CADM2: variants seen among roughly 807,000 people sequenced by gnomAD.
CADM2 encodes the protein immunoglobulin superfamily member 4D.
CADM2 carries 12 observed loss-of-function variants against 49.8 expected under a neutral mutation model. The observed-to-expected ratio is 0.24, with a 90% confidence interval of 0.15 to 0.39. The LOEUF is 0.39. CADM2 is among the 10% of genes least tolerant of loss of function. The probability of loss-of-function intolerance (pLI) is 1.00; values close to 1 mark genes in which losing one functional copy is unlikely to be tolerated. For missense variants in CADM2, 378 were observed against 492.3 expected, an observed-to-expected ratio of 0.77 and a Z score of 2.20; for synonymous variants, 214 against 175.4, an observed-to-expected ratio of 1.22 and a Z score of -1.74.
At chr3:85,918,573 T>A (rs1718690471) in intron 6 of CADM2, among the ~76,000 whole-genome samples, 1 of 152,144 alleles carries the variant, frequency 6.6e-6, no homozygotes, top group Non-Finnish European at 1.5e-5. Flanking sequence ...TTATTGAGGA[T>A]TTTTGCATCA....
At chr3:85,440,019 T>A (rs906159087) in intron 1 of CADM2, among the ~76,000 whole-genome samples, 3 of 152,236 alleles carry the variant, frequency 2.0e-5, no homozygotes, top group Non-Finnish European at 4.4e-5. Context: ...ATTGCATACA[T>A]GCAATATATT....
At chr3:85,676,985 TAC>T (rs2065903327) in intron 1 of CADM2, among the ~76,000 whole-genome samples, 1 of 152,166 alleles carries the variant, frequency 6.6e-6, no homozygotes. Flanking sequence ...TTATAGAACT[TAC>T]AGGTGTTATC....
intron 1 of CADM2, among the ~76,000 whole-genome samples, chr3:85,681,050 G>A (rs1660796446): frequency 6.6e-6 from 1 of 152,108 alleles, no homozygotes; most frequent in African/African-American, 2.4e-5. Flanking sequence ...TCTTGTTTGT[G>A]TTAACAGGGC....
intron 1 of CADM2, among the ~76,000 whole-genome samples, chr3:85,487,547 G>T (rs146148208): frequency 6.0e-5 from 9 of 149,364 alleles, no homozygotes; most frequent in Non-Finnish European, 1.3e-4. Context: ...GGAGGAGGAC[G>T]AGGAGGAGGA....
intron 1 of CADM2, among the ~76,000 whole-genome samples, chr3:85,344,151 A>G (rs1007359599): frequency 7.2e-5 from 11 of 151,964 alleles, no homozygotes; most frequent in Admixed American, 2.6e-4. Context: ...CGAGGCGGGC[A>G]GATCACGAAG....
intron 1 of CADM2, among the ~76,000 whole-genome samples, chr3:85,537,467 C>A (rs1311223419): frequency 7.0e-6 from 1 of 142,754 alleles, no homozygotes; most frequent in Non-Finnish European, 1.5e-5. Context: ...GCTGATTGGT[C>A]AAGTACAAGT....
chr3:85,324,476 C>T (rs2044696546), intron 1 of CADM2, among the ~76,000 whole-genome samples: 1 of 151,992 alleles, frequency 6.6e-6, no homozygotes, highest in South Asian at 2.1e-4. Flanking sequence ...AAGTACATCA[C>T]CAAAATAGTA....
chr3:85,714,885 C>T (rs557067761), intron 1 of CADM2, among the ~76,000 whole-genome samples: 1 of 152,000 alleles, frequency 6.6e-6, no homozygotes, highest in South Asian at 2.1e-4. Context: ...CCATTATAAC[C>T]ATTACAAAGC....
chr3:85,295,111 C>T (rs945652481), intron 1 of CADM2, among the ~76,000 whole-genome samples: 4 of 152,060 alleles, frequency 2.6e-5, no homozygotes, highest in Non-Finnish European at 5.9e-5. Flanking sequence ...ACAAACAACC[C>T]CATCAAAAAG....
intron 8 of CADM2, among the ~76,000 whole-genome samples, chr3:86,004,990 A>G (rs915659049): frequency 6.6e-6 from 1 of 152,138 alleles, no homozygotes; most frequent in Non-Finnish European, 1.5e-5. Flanking sequence ...ACCATGCTGG[A>G]ACGTTCTTTT....
At chr3:85,886,421 G>C (rs937747760) in intron 5 of CADM2, 94 bp downstream of exon 5, 2 of 928,500 alleles carry the variant, frequency 2.2e-6, no homozygotes, top group Admixed American at 2.1e-5. Context: ...TCAAAACATA[G>C]TGTCTCTTAC....
chr3:85,734,996 G>GTGTGTGTGTA (rs72306768), intron 2 of CADM2, among the ~76,000 whole-genome samples: 3 of 151,182 alleles, frequency 2.0e-5, no homozygotes, highest in African/African-American at 7.3e-5. Context: ...GTGTGTGTGT[G>GTGTGTGTGTA]TGTATGTGTG....
intron 1 of CADM2, among the ~76,000 whole-genome samples, chr3:85,270,760 C>T (rs2043224384): frequency 6.6e-6 from 1 of 151,382 alleles, no homozygotes; most frequent in East Asian, 1.9e-4. Flanking sequence ...CACTTATGTG[C>T]CACTCATTCC....
intron 3 of CADM2, among the ~76,000 whole-genome samples, chr3:85,881,931 A>G (rs1336537986): frequency 6.6e-6 from 1 of 152,142 alleles, no homozygotes; most frequent in East Asian, 1.9e-4. Context: ...AGTTCACAAT[A>G]GGGTTCACTC....
intron 1 of CADM2, among the ~76,000 whole-genome samples, chr3:85,462,301 C>T (rs1417245194): frequency 6.6e-6 from 1 of 152,094 alleles, no homozygotes; most frequent in Non-Finnish European, 1.5e-5. Context: ...ACTTTATCCC[C>T]CAGGAATAGA....
At chr3:85,578,773 T>C (rs1385698177) in intron 1 of CADM2, among the ~76,000 whole-genome samples, 1 of 152,258 alleles carries the variant, frequency 6.6e-6, no homozygotes, top group Non-Finnish European at 1.5e-5. Context: ...ATGTCATCTT[T>C]ATTTAACATT....
At chr3:85,034,211 T>G (rs948904051) in intron 1 of CADM2, among the ~76,000 whole-genome samples, 3 of 152,164 alleles carry the variant, frequency 2.0e-5, no homozygotes, top group Non-Finnish European at 4.4e-5. Context: ...TGTCAAATGC[T>G]AGGTCTTATT....
rs537182140 is a variant in CADM2 at position 85,134,204 on chromosome 3, A to G, written c.61+174536A>G. ...CCACCCGGAACTCCAGCTGGCCCGC[A>G]AGCGCCGCGCGCAGCCCCGGTTCCC... On this transcript the variant is annotated intron_variant, in intron 1 of 9. Coordinates refer to ENST00000383699, the MANE Select transcript of CADM2 (RefSeq NM_001167675.2). 2.0e-5 allele frequency among the ~76,000 whole-genome samples: 3 copies of G among 152,248 alleles called. No individual in the cohort carries two copies. In the South Asian group the frequency reaches 6.2e-4, roughly 32 times the overall value.
At chr3:85,866,856 T>C (rs1052347980) in intron 3 of CADM2, among the ~76,000 whole-genome samples, 2 of 152,034 alleles carry the variant, frequency 1.3e-5, no homozygotes, top group African/African-American at 4.8e-5. Context: ...AACACACATA[T>C]AACACATACA....
Sources: allele counts gnomAD v4.1 joint callset (sites outside exome capture counted in the v4.1 genomes callset), GRCh38; gene constraint gnomAD v4.1.1; transcripts MANE v1.5; gene names NCBI Gene and HGNC (gene_info 2026-07-23, HGNC 2026-07-21).